The following TRAP1 variants were observed in gnomAD, a reference collection of about 807,000 sequenced individuals.
TRAP1 encodes the protein heat shock protein 75 kDa, mitochondrial.
Under a neutral mutation model 89.1 loss-of-function variants are expected in TRAP1, and 102 were observed. The ratio of observed to expected loss-of-function variants is 1.15; its 90% confidence interval spans 0.98 to 1.35. The LOEUF (loss-of-function observed/expected upper bound fraction) is 1.35. Among genes scored for constraint, TRAP1 ranks in the 40% most tolerant of loss-of-function variants. The probability of loss-of-function intolerance (pLI) is 0.00; values close to 1 mark genes in which losing one functional copy is unlikely to be tolerated. For missense variants in TRAP1, 1,256 were observed against 945.3 expected, an observed-to-expected ratio of 1.33 and a Z score of -4.31; for synonymous variants, 508 against 388.0, an observed-to-expected ratio of 1.31 and a Z score of -3.64.
At chr16:3,698,701 G>T (rs2051324385) in intron 1 of TRAP1, among the ~76,000 whole-genome samples, 1 of 151,882 alleles carries the variant, frequency 6.6e-6, no homozygotes, top group South Asian at 2.1e-4. Context: ...CAGCTCAGGA[G>T]TTTGAAATTA....
intron 16 of TRAP1, 35 bp from the exon 17 acceptor site, chr16:3,658,900 G>C (rs767542625): frequency 1.2e-6 from 2 of 1,608,370 alleles, no homozygotes; most frequent in Non-Finnish European, 8.5e-7. Flanking sequence ...AAGCAGCTCA[G>C]TACCACGTGC....
intron 1 of TRAP1, among the ~76,000 whole-genome samples, chr16:3,702,018 G>A (rs1465254506): frequency 6.6e-6 from 1 of 152,098 alleles, no homozygotes; most frequent in Non-Finnish European, 1.5e-5. Flanking sequence ...AGACCAGCGT[G>A]GCCAACATGG....
At chr16:3,673,438 A>G (rs1400973229) in intron 9 of TRAP1, among the ~76,000 whole-genome samples, 1 of 152,132 alleles carries the variant, frequency 6.6e-6, no homozygotes, top group African/African-American at 2.4e-5. Flanking sequence ...CCTGCTCCAC[A>G]CTGGTACTTC....
chr16:3,716,491 T>A (rs569958929), intron 1 of TRAP1, among the ~76,000 whole-genome samples: 16 of 152,194 alleles, frequency 1.1e-4, no homozygotes, highest in Non-Finnish European at 2.2e-4. Context: ...GACACGTCCA[T>A]CATACAGAAT....
intron 5 of TRAP1, among the ~76,000 whole-genome samples, chr16:3,679,131 G>C (rs1014349415): frequency 1.3e-5 from 2 of 151,894 alleles, no homozygotes; most frequent in African/African-American, 4.8e-5. Context: ...CTCTACTAAA[G>C]ATACAAAAAA....
At chr16:3,686,953 G>C (rs753899381) in intron 3 of TRAP1, 1 of 152,192 alleles carries the variant, frequency 6.6e-6, no homozygotes, top group Non-Finnish European at 1.5e-5. Context: ...CCCCGACAGA[G>C]AGAGACTCTG....
At chr16:3,681,894 G>C (rs956490864) in intron 4 of TRAP1, among the ~76,000 whole-genome samples, 4 of 152,080 alleles carry the variant, frequency 2.6e-5, no homozygotes, top group African/African-American at 9.7e-5. Context: ...AAAGAACTTA[G>C]AAAATTTTCA....
At chr16:3,658,579 A>AG in intron 17 of TRAP1, 1 of 579,996 alleles carries the variant, frequency 1.7e-6, no homozygotes, top group South Asian at 2.1e-5. Context: ...AGGCTGAGGC[A>AG]GGGGAATTGC....
chr16:3,662,240 G>T (rs113229466), intron 15 of TRAP1, 108 bp from the exon 16 acceptor site: 3 of 1,394,810 alleles, frequency 2.2e-6, no homozygotes, highest in Admixed American at 4.5e-5. Context: ...AGCAGGCGGG[G>T]TCTCAAGGAC....
intron 1 of TRAP1, among the ~76,000 whole-genome samples, chr16:3,696,038 G>A (rs374170013): frequency 7.9e-5 from 12 of 152,196 alleles, no homozygotes; most frequent in South Asian, 2.1e-4. Flanking sequence ...CCACTGACGC[G>A]TGACAGGGCC....
rs749439516 is a variant in TRAP1, at chr16:3,671,795, G to C, written c.1166-4C>G. ...ATGTCCTCACTGTCCACCACACCTG[G>C]GAGACACGGCAGTCAGCTTCTCCCG... On this transcript the variant is annotated splice_region_variant and splice_polypyrimidine_tract_variant and intron_variant, in intron 10 of 17. Coordinates refer to ENST00000246957, the MANE Select transcript of TRAP1 (RefSeq NM_016292.3). 1 of 1,611,656 alleles carries C rather than the reference G, an allele frequency of 6.2e-7. No homozygotes were observed. Among genetic ancestry groups the C allele is most frequent in the Non-Finnish European group, 8.5e-7 (1 of 1,179,978 alleles).
chr16:3,710,802 T>C (rs2051518037), intron 1 of TRAP1, among the ~76,000 whole-genome samples: 1 of 151,746 alleles, frequency 6.6e-6, no homozygotes, highest in South Asian at 2.1e-4. Flanking sequence ...CTCCTGCTCT[T>C]AATATGGCAT....
chr16:3,664,991 C>T (rs533182792), intron 12 of TRAP1: 1 of 154,132 alleles, frequency 6.5e-6, no homozygotes, highest in East Asian at 1.9e-4. Flanking sequence ...GGAGCTGCAG[C>T]TGGAAGGACG....
At chr16:3,660,339 A>AT (rs2042999940) in intron 16 of TRAP1, 2 of 152,278 alleles carry the variant, frequency 1.3e-5, no homozygotes, top group African/African-American at 4.8e-5. Flanking sequence ...ATTTTAAAAC[A>AT]AATGAAAGTG....
At chr16:3,699,073 G>A (rs993298782) in intron 1 of TRAP1, among the ~76,000 whole-genome samples, 1 of 151,988 alleles carries the variant, frequency 6.6e-6, no homozygotes, top group Non-Finnish European at 1.5e-5. Context: ...GTTTGGGGTC[G>A]CACAAAATGG....
At chr16:3,689,496 G>A (rs963772985) in intron 2 of TRAP1, among the ~76,000 whole-genome samples, 2 of 151,938 alleles carry the variant, frequency 1.3e-5, no homozygotes, top group Admixed American at 6.6e-5. Flanking sequence ...GGCCCGCCTC[G>A]GCCTCCCACA....
At chr16:3,674,592 A>T in intron 8 of TRAP1, 98 bp from the exon 9 acceptor site, 1 of 1,452,692 alleles carries the variant, frequency 6.9e-7, no homozygotes, top group African/African-American at 1.4e-5. Context: ...GGCCCTGGAC[A>T]GGCTCCTGGG....
chr16:3,690,085 C>G (rs1276159015), intron 2 of TRAP1, among the ~76,000 whole-genome samples: 1 of 152,144 alleles, frequency 6.6e-6, no homozygotes, highest in Non-Finnish European at 1.5e-5. Context: ...GTGCTCACTG[C>G]AGCCTCAACT....
At chr16:3,668,695 A>T (rs188067158) in intron 11 of TRAP1, among the ~76,000 whole-genome samples, 66 of 152,314 alleles carry the variant, frequency 4.3e-4, no homozygotes, top group Non-Finnish European at 7.5e-4. Flanking sequence ...CCTGCTCTGC[A>T]GCTTCGGGCA....
Sources: gnomAD v4.1 joint callset for allele counts (sites outside exome capture counted in the v4.1 genomes callset) on GRCh38, gnomAD v4.1.1 for gene constraint, MANE v1.5 for transcripts, NCBI Gene and HGNC (gene_info 2026-07-23, HGNC 2026-07-21) for gene names.